The following SYNPO2 variants were observed in gnomAD, a reference collection of about 807,000 sequenced individuals.
The protein encoded by SYNPO2 is synaptopodin-2.
A neutral mutation model predicts 85.0 loss-of-function variants in SYNPO2; 56 were observed. The ratio of observed to expected loss-of-function variants is 0.66; its 90% CI spans 0.53 to 0.82. The LOEUF (loss-of-function observed/expected upper bound fraction) is 0.82, where lower values mean the gene tolerates loss of function less well. SYNPO2 is among the 40% of genes least tolerant of loss of function. The probability of loss-of-function intolerance (pLI) is 0.00; values close to 1 mark genes in which losing one functional copy is unlikely to be tolerated. For missense variants in SYNPO2, 1,575 were observed against 1,534.2 expected (o/e 1.03, Z -0.44); for synonymous variants, 602 against 591.1 (o/e 1.02, Z -0.27).
chr4:118,911,628 A>G (rs998463707), intron 1 of SYNPO2, among the ~76,000 whole-genome samples: 1 of 152,170 alleles, frequency 6.6e-6, no homozygotes, highest in Non-Finnish European at 1.5e-5. Context: ...GTTTGCATGA[A>G]GTCTCTGTGT....
intron 1 of SYNPO2, among the ~76,000 whole-genome samples, chr4:118,879,871 C>G (rs568638946): frequency 6.6e-6 from 1 of 152,188 alleles, no homozygotes; most frequent in East Asian, 1.9e-4. Flanking sequence ...CCGCCTCCCT[C>G]CGAGACCCTG....
At position 119,051,189 on chromosome 4, in the gene SYNPO2, T is replaced by TTTTG. The variant is rs1382481096; in HGVS notation, c.3253-6209_3253-6208insGTTT. On this transcript the variant is annotated intron_variant, in intron 4 of 4. Coordinates refer to ENST00000307142, the MANE Select transcript of SYNPO2 (RefSeq NM_133477.3). ...TGGGGTAAAGCCATGGGAAGCAATT[T>TTTTG]TTTTTTTTTTTTTTTTTTGAGACGG... Among the ~76,000 whole-genome samples the TTTTG allele has an allele frequency of 2.4e-3, 326 of 134,456 alleles. 3 individuals are homozygous for TTTTG. The highest frequency in any genetic ancestry group is 5.0e-3 in the South Asian group (19 of 3,838). The allele number at this position is 134,456 out of a possible 152,430, so 88.2% of individuals were successfully genotyped here. A position where few individuals can be genotyped will look rare whatever the true frequency, so the allele number is the denominator to read the frequency against.
chr4:118,914,171 A>G (rs940057312), intron 1 of SYNPO2, among the ~76,000 whole-genome samples: 2 of 152,186 alleles, frequency 1.3e-5, no homozygotes, highest in African/African-American at 4.8e-5. Flanking sequence ...GAGAGATTGT[A>G]TTAGAGGACG....
chr4:119,056,814 T>A (rs920446925), intron 4 of SYNPO2, among the ~76,000 whole-genome samples: 6 of 152,196 alleles, frequency 3.9e-5, no homozygotes, highest in Non-Finnish European at 8.8e-5. Flanking sequence ...AGGCAGTTAA[T>A]CATACCAGTA....
At chr4:118,871,042 A>C (rs779299288) in intron 1 of SYNPO2, among the ~76,000 whole-genome samples, 10 of 152,230 alleles carry the variant, frequency 6.6e-5, no homozygotes, top group Admixed American at 2.0e-4. Flanking sequence ...ATTCATGCCA[A>C]GCCTTGGCTC....
intron 1 of SYNPO2, among the ~76,000 whole-genome samples, chr4:118,936,141 G>A (rs1734092674): frequency 6.6e-6 from 1 of 152,188 alleles, no homozygotes; most frequent in Non-Finnish European, 1.5e-5. Flanking sequence ...ACAGTAACAT[G>A]CTGTGTAGGT....
intron 1 of SYNPO2, among the ~76,000 whole-genome samples, chr4:118,996,978 C>T (rs59606594): frequency 0.21 from 31,441 of 151,318 alleles, 3,564 homozygotes; most frequent in South Asian, 0.32. Context: ...CGGTGGCTCA[C>T]GCCTGTAATC....
At chr4:118,940,111 G>A (rs917891459) in intron 1 of SYNPO2, among the ~76,000 whole-genome samples, 2 of 151,064 alleles carry the variant, frequency 1.3e-5, no homozygotes, top group African/African-American at 2.4e-5. Context: ...TCAACCTCTC[G>A]AGTAGCTGGG....
At chr4:118,900,701 C>CTATATATATATATA (rs1194269230) in intron 1 of SYNPO2, among the ~76,000 whole-genome samples, 28 of 27,194 alleles carry the variant, frequency 1.0e-3, no homozygotes, top group Non-Finnish European at 1.7e-3. Context: ...CTCTCTCTCT[C>CTATATATATATATA]TCTATATATA....
chr4:118,971,042 G>C (rs1735522678), intron 1 of SYNPO2, among the ~76,000 whole-genome samples: 1 of 152,130 alleles, frequency 6.6e-6, no homozygotes, highest in Non-Finnish European at 1.5e-5. Context: ...GGGTCACTTT[G>C]GGACTGAGCA....
chr4:119,003,875 C>A (rs1362491958), intron 1 of SYNPO2, among the ~76,000 whole-genome samples: 1 of 152,090 alleles, frequency 6.6e-6, no homozygotes, highest in African/African-American at 2.4e-5. Flanking sequence ...TGCCAGAGTT[C>A]CGGGAGCCCA....
intron 1 of SYNPO2, among the ~76,000 whole-genome samples, chr4:118,958,405 G>T (rs762193499): frequency 1.3e-5 from 2 of 152,088 alleles, no homozygotes; most frequent in African/African-American, 2.4e-5. Context: ...CTTCAGCTTT[G>T]TACACCAAGT....
chr4:119,035,010 G>A, intron 4 of SYNPO2: 1 of 985,498 alleles, frequency 1.0e-6, no homozygotes, highest in Non-Finnish European at 1.2e-6. Flanking sequence ...TTTCTAGGCA[G>A]AGCATCCACG....
intron 1 of SYNPO2, among the ~76,000 whole-genome samples, chr4:118,953,310 T>A (rs1007797537): frequency 6.6e-6 from 1 of 152,222 alleles, no homozygotes; most frequent in Non-Finnish European, 1.5e-5. Context: ...ATGGTTTTTT[T>A]ATACCCTGAA....
chr4:118,874,455 G>A (rs1327336088), intron 1 of SYNPO2, among the ~76,000 whole-genome samples: 3 of 152,160 alleles, frequency 2.0e-5, no homozygotes, highest in African/African-American at 7.2e-5. Flanking sequence ...TAATTTGTGT[G>A]ACATATATTT....
At chr4:118,881,640 G>A (rs1248326013) in intron 1 of SYNPO2, among the ~76,000 whole-genome samples, 1 of 152,230 alleles carries the variant, frequency 6.6e-6, no homozygotes, top group Non-Finnish European at 1.5e-5. Context: ...AGCCTCTGTG[G>A]CAGAACTTTA....
upstream of SYNPO2, among the ~76,000 whole-genome samples, chr4:118,888,277 C>T (rs1454199963): frequency 6.6e-6 from 1 of 152,192 alleles, no homozygotes; most frequent in Non-Finnish European, 1.5e-5. Context: ...CTCTTTCTCT[C>T]TCCCTTTCTG....
intron 1 of SYNPO2, among the ~76,000 whole-genome samples, chr4:118,879,885 C>A (rs1732045466): frequency 6.6e-6 from 1 of 152,060 alleles, no homozygotes; most frequent in East Asian, 1.9e-4. Flanking sequence ...GACCCTGCAA[C>A]CGTTTGCCTC....
chr4:119,023,986 T>G (rs1737838633), intron 2 of SYNPO2, among the ~76,000 whole-genome samples: 1 of 152,228 alleles, frequency 6.6e-6, no homozygotes, highest in East Asian at 1.9e-4. Flanking sequence ...AACTGTACAA[T>G]TTTTCATTAA....
Sources: allele counts gnomAD v4.1 joint callset (sites outside exome capture counted in the v4.1 genomes callset), GRCh38; gene constraint gnomAD v4.1.1; transcripts MANE v1.5; gene names NCBI Gene and HGNC (gene_info 2026-07-23, HGNC 2026-07-21).